The following RBM4B variants were observed in gnomAD, a reference collection of about 807,000 sequenced individuals.
RBM4B encodes RNA binding motif protein 4B.
Under a neutral mutation model 28.5 loss-of-function variants are expected in RBM4B, and 13 were observed. The observed-to-expected ratio is 0.46, with a 90% CI of 0.30 to 0.72. The LOEUF is 0.72. Ranked by LOEUF, RBM4B falls within the 30% of genes least tolerant of loss-of-function variation. The pLI, the probability that RBM4B is intolerant of heterozygous loss-of-function variation, is 0.09. For synonymous variants in RBM4B, 167 were observed against 179.1 expected (o/e 0.93, Z 0.54); for missense variants, 387 against 477.6 (o/e 0.81, Z 1.77).
At chr11:66,673,732 A>G (rs1434698041) in intron 2 of RBM4B, among the ~76,000 whole-genome samples, 1 of 152,192 alleles carries the variant, frequency 6.6e-6, no homozygotes, top group Non-Finnish European at 1.5e-5. Context: ...GAGTGCTGGG[A>G]TTACAGGAGT....
rs763091259 is a variant in RBM4B, at chr11:66,669,020, A to G, written c.684T>C (p.Ser228=). 11 of 1,614,104 alleles carry G rather than the reference A, an allele frequency of 6.8e-6. No individual in the cohort carries two copies. The highest frequency in any genetic ancestry group is 7.6e-6 in the Non-Finnish European group (9 of 1,180,056). Residue 228 remains serine (S), a synonymous_variant, in exon 3 of 4, where the codon TCT becomes TCC. Transcript: ENST00000310046. Reference sequence around the variant, plus strand: ...CTGCCGCCGCTGCTACTGCCTCATAAGAGCGGACCCGGTATCGCTTATAGT... The same window carrying G: ...CTGCCGCCGCTGCTACTGCCTCATAGGAGCGGACCCGGTATCGCTTATAGT... The part of the protein sequence containing the change: ...LDYYKRYRVR[S]YEAVAAAAAA...
chr11:66,673,426 A>G (rs745836235), intron 2 of RBM4B, among the ~76,000 whole-genome samples: 7 of 152,176 alleles, frequency 4.6e-5, no homozygotes, highest in Non-Finnish European at 8.8e-5. Flanking sequence ...TAACATATAG[A>G]AATAAAGGTT....
Position 66,665,300 on chromosome 11 carries a change from G to A in RBM4B, c.*288C>T, listed in dbSNP as rs1308485399. The A allele has an allele frequency of 6.4e-6, 3 of 470,520 alleles. No homozygotes were observed. The highest frequency in any genetic ancestry group is 3.9e-5 in the East Asian group (1 of 25,942). 29.1% of individuals were successfully genotyped at this position (470,520 alleles called of 1,614,324 possible). ...ACTCCTAGGGAAAGCAAGATAAGAG[G>A]GGTTCCACTGCACAGGAAAAAGGGG... On this transcript the variant is annotated 3_prime_UTR_variant, in exon 4 of 4. Coordinates refer to ENST00000310046, the MANE Select transcript of RBM4B (RefSeq NM_031492.4).
chr11:66,670,187 T>C (rs1939415646), intron 2 of RBM4B, among the ~76,000 whole-genome samples: 1 of 152,152 alleles, frequency 6.6e-6, no homozygotes, highest in African/African-American at 2.4e-5. Context: ...CTAGTATCTC[T>C]GGGAGTTATA....
At chr11:66,671,096 A>G (rs1355785413) in intron 2 of RBM4B, 1 of 693,430 alleles carries the variant, frequency 1.4e-6, no homozygotes, top group African/African-American at 1.8e-5. Context: ...CTTCTGCCCA[A>G]TGTCAAAGAG....
chr11:66,676,509 C>T, intron 2 of RBM4B, 159 bp downstream of exon 2: 1 of 874,486 alleles, frequency 1.1e-6, no homozygotes, highest in Non-Finnish European at 1.7e-6. Flanking sequence ...TGTTTGCTTC[C>T]CCAGGGGTAA....
At chr11:66,669,726 A>G (rs2135238584) in intron 2 of RBM4B, among the ~76,000 whole-genome samples, 1 of 152,382 alleles carries the variant, frequency 6.6e-6, no homozygotes, top group East Asian at 1.9e-4. Context: ...GATTACAGGC[A>G]TGCGCCATTG....
intron 2 of RBM4B, chr11:66,675,704 T>C (rs1335248295): frequency 6.6e-6 from 1 of 152,208 alleles, no homozygotes; most frequent in Non-Finnish European, 1.5e-5. Flanking sequence ...AACAAAACAC[T>C]TGTAGAACAG....
intron 3 of RBM4B, chr11:66,666,703 G>C (rs1423634977): frequency 6.6e-6 from 1 of 152,246 alleles, no homozygotes; most frequent in Non-Finnish European, 1.5e-5. Context: ...CCCCATGCTA[G>C]ATCCAGCTGC....
Position 66,665,669 on chromosome 11 carries a change from C to T in RBM4B, c.*10-91G>A, listed in dbSNP as rs542603658. ...GCGCCCTGGGTCCTGTCCTGTATTC[C>T]GGGGGGAAAAAAAAGAACAAAACAA... On this transcript the variant is annotated intron_variant, in intron 3 of 3. Coordinates refer to ENST00000310046, the MANE Select transcript of RBM4B (RefSeq NM_031492.4). 98 of 1,514,688 alleles carry T rather than the reference C, an allele frequency of 6.5e-5. No individual in the cohort carries two copies. In the South Asian group the frequency reaches 9.5e-4, roughly 15 times the overall value. The allele number at this position is 1,514,688 out of a possible 1,614,324, so 93.8% of individuals were successfully genotyped here. A position where few individuals can be genotyped will look rare whatever the true frequency, so the allele number is the denominator to read the frequency against.
At chr11:66,677,296 A>AG (rs1347032866) in intron 1 of RBM4B, 1 of 621,126 alleles carries the variant, frequency 1.6e-6, no homozygotes, top group East Asian at 2.8e-5. Flanking sequence ...GTCGAGGGTC[A>AG]GCATGCATAG....
chr11:66,666,074 A>T (rs1939221338), intron 3 of RBM4B: 5 of 1,016,946 alleles, frequency 4.9e-6, no homozygotes, highest in African/African-American at 1.6e-5. Flanking sequence ...ATCAAGGAGC[A>T]GCCAGTCATT....
chr11:66,671,251 C>A lies in RBM4B; in HGVS notation c.413-1960G>T, dbSNP rs566574106. On this transcript the variant is annotated intron_variant, in intron 2 of 3. Coordinates refer to ENST00000310046, the MANE Select transcript of RBM4B (RefSeq NM_031492.4). The stretch of plus-strand genomic sequence containing the variant: ...AATCTCTAAAAGCATTTTGCCATCC[C>A]ATTGTTTTCAGAGATTTAAATGCTC... Among the ~76,000 whole-genome samples the A allele has an allele frequency of 2.0e-5, 3 of 152,286 alleles. No individual in the cohort carries two copies. The South Asian group carries it at 6.2e-4, about 32-fold the overall frequency.
intron 2 of RBM4B, among the ~76,000 whole-genome samples, chr11:66,674,507 G>A (rs1463641152): frequency 6.6e-6 from 1 of 151,496 alleles, no homozygotes; most frequent in South Asian, 2.1e-4. Context: ...GATTACAGGC[G>A]TGAGCCACAG....
chr11:66,671,290 G>A (rs540256251), intron 2 of RBM4B, among the ~76,000 whole-genome samples: 5 of 152,196 alleles, frequency 3.3e-5, no homozygotes, highest in Non-Finnish European at 7.3e-5. Context: ...ATTGTTAGAT[G>A]TTAGGGGCCA....
Position 66,668,712 on chromosome 11 carries a change from G to A in RBM4B, c.992C>T (p.Ala331Val), listed in dbSNP as rs768818256. The A allele has an allele frequency of 1.9e-6, 3 of 1,614,156 alleles. No individual in the cohort carries two copies. Among genetic ancestry groups the A allele is most frequent in the South Asian group, 1.1e-5 (1 of 91,080 alleles). ...CAGAGAATTCCGTGTAGCTGCGGAA[G>A]CCTGAGATAATTCACTCTCTGGCCC... The part of the protein sequence containing the change: ...GYGPESELSQ[A>V]SAATRNSLYD... Residue 331 changes from alanine (A) to valine (V), a missense_variant, in exon 3 of 4, where the codon GCT (alanine) becomes GTT (valine). Physicochemically the swap from Ala to Val is moderately conservative, Grantham distance 64. Around this residue, in one of 2 missense-constraint regions of RBM4B, gnomAD observed 226 missense variants for 220.6 expected, o/e 1.02. Coordinates refer to ENST00000310046, the MANE Select transcript of RBM4B (RefSeq NM_031492.4).
In RBM4B at chr11:66,668,890, CAT is replaced by C; in HGVS notation, c.812_813del (p.Tyr271Ter). 1 of 1,614,164 alleles carries C rather than the reference CAT, an allele frequency of 6.2e-7. No individual in the cohort carries two copies. Among genetic ancestry groups the C allele is most frequent in the Non-Finnish European group, 8.5e-7 (1 of 1,180,038 alleles). On this transcript the variant is annotated frameshift_variant, in exon 3 of 4. Coordinates refer to ENST00000310046, the MANE Select transcript of RBM4B (RefSeq NM_031492.4). LOFTEE classifies it high-confidence loss of function. Reference sequence around the variant, plus strand: ...CCAGAGTTTGGCAATAGGTGTCTGTCATAGGGATCAACAGAAGTAGAGTTGAG... The same window carrying C: ...CCAGAGTTTGGCAATAGGTGTCTGTCAGGGATCAACAGAAGTAGAGTTGAG... ...SHLNSTSVDP[Y>X]DRHLLPNSGA...
chr11:66,670,081 G>A (rs1004855102), intron 2 of RBM4B, among the ~76,000 whole-genome samples: 39 of 152,266 alleles, frequency 2.6e-4, no homozygotes, highest in East Asian at 9.6e-4. Context: ...TCAATAGTCC[G>A]TCCATCTTGT....
In RBM4B at chr11:66,669,359, A is replaced by G. The variant is rs1402348225; in HGVS notation, c.413-68T>C. The G allele has an allele frequency of 1.0e-5, 15 of 1,445,806 alleles. No homozygotes were observed. The South Asian group carries it at 1.7e-4, about 17-fold the overall frequency. 89.6% of individuals were successfully genotyped at this position (1,445,806 alleles called of 1,614,324 possible). On this transcript the variant is annotated intron_variant, in intron 2 of 3. Coordinates refer to ENST00000310046, the MANE Select transcript of RBM4B (RefSeq NM_031492.4). The stretch of plus-strand genomic sequence containing the variant: ...ACATTCTTTTTCCTCTCCTCCCCAA[A>G]TGAAAGTAAATTAGTTGTCATAAGA...
Sources: gnomAD v4.1 joint callset for allele counts (sites outside exome capture counted in the v4.1 genomes callset) on GRCh38, gnomAD v4.1.1 for gene constraint, gnomAD v4.1.1 regional missense constraint, MANE v1.5 for transcripts, NCBI Gene and HGNC (gene_info 2026-07-23, HGNC 2026-07-21) for gene names.